Variants in ADCY2 observed in about 807,000 individuals in gnomAD.
ADCY2 encodes the protein adenylate cyclase 2.
Under a neutral mutation model 125.2 loss-of-function variants are expected in ADCY2, and 31 were observed. That is an observed-to-expected ratio of 0.25 (90% CI 0.19 to 0.33). The LOEUF (loss-of-function observed/expected upper bound fraction) is 0.33, where lower values mean the gene tolerates loss of function less well. Among genes scored for constraint, ADCY2 ranks in the 10% least tolerant of loss-of-function variants. The pLI is 1.00. For synonymous variants in ADCY2, 512 were observed against 548.4 expected, an observed-to-expected ratio of 0.93 and a Z score of 0.93; for missense variants, 904 against 1,418.2, an observed-to-expected ratio of 0.64 and a Z score of 5.82.
intron 2 of ADCY2, among the ~76,000 whole-genome samples, chr5:7,458,130 T>A (rs1741770765): frequency 6.6e-6 from 1 of 152,156 alleles, no homozygotes; most frequent in African/African-American, 2.4e-5. Flanking sequence ...TAGACTTGAG[T>A]AATGTATAGT....
chr5:7,441,570 T>C (rs552410229), intron 2 of ADCY2, among the ~76,000 whole-genome samples: 108 of 152,284 alleles, frequency 7.1e-4, no homozygotes, highest in Non-Finnish European at 1.3e-3. Context: ...GGTTGCTGTT[T>C]TCCAAGGCAT....
chr5:7,655,074 C>A (rs891805368), intron 4 of ADCY2, among the ~76,000 whole-genome samples: 8 of 152,096 alleles, frequency 5.3e-5, no homozygotes, highest in Admixed American at 3.3e-4. Flanking sequence ...GGGTGGATGG[C>A]TCCCAAGGCT....
chr5:7,558,011 AAC>A lies in ADCY2; in HGVS notation c.570+37113_570+37114del, dbSNP rs1472087502. Among the ~76,000 whole-genome samples, 3 of 151,658 alleles carry A rather than the reference AAC, an allele frequency of 2.0e-5. No individual in the cohort carries two copies. In the South Asian group the frequency reaches 6.2e-4, roughly 32 times the overall value. Reference sequence around the variant, plus strand: ...TGTATAAGCATTCCTTTTTCTCCACAACCTCACCAGCATCTGTTGTTTTGTTT... The same window carrying A: ...TGTATAAGCATTCCTTTTTCTCCACACTCACCAGCATCTGTTGTTTTGTTT... On this transcript the variant is annotated intron_variant, in intron 3 of 24. Coordinates refer to ENST00000338316, the MANE Select transcript of ADCY2 (RefSeq NM_020546.3).
At chr5:7,654,738 G>A (rs1031645621) in intron 4 of ADCY2, among the ~76,000 whole-genome samples, 1 of 152,210 alleles carries the variant, frequency 6.6e-6, no homozygotes, top group South Asian at 2.1e-4. Flanking sequence ...GGTGGAAAAC[G>A]GGAGCAGTTA....
chr5:7,647,754 A>G (rs561068653), intron 4 of ADCY2, among the ~76,000 whole-genome samples: 2 of 152,306 alleles, frequency 1.3e-5, no homozygotes, highest in South Asian at 4.1e-4. Flanking sequence ...CTTTTTCACC[A>G]TCATTTGGCA....
At chr5:7,668,623 A>G (rs976964569) in intron 4 of ADCY2, among the ~76,000 whole-genome samples, 4 of 152,368 alleles carry the variant, frequency 2.6e-5, no homozygotes, top group East Asian at 1.9e-4. Context: ...TTTAATATAA[A>G]TATGTTTATG....
Position 7,724,615 on chromosome 5 carries a change from G to GT in ADCY2, c.1773+2dup. 2 of 1,569,418 alleles carry GT rather than the reference G, an allele frequency of 1.3e-6. No individual in the cohort carries two copies. The highest frequency in any genetic ancestry group is 1.7e-6 in the Non-Finnish European group (2 of 1,160,864). Reference sequence around the variant, plus strand: ...CTATAACAAAGTACTAGAAAAAGAGGTAAGTTTTTTTCTTCTTCAAAATCA... The same window carrying GT: ...CTATAACAAAGTACTAGAAAAAGAGGTTAAGTTTTTTTCTTCTTCAAAATCA... On this transcript the variant is annotated splice_donor_variant, in intron 13 of 24. Transcript: ENST00000338316. LOFTEE classifies it high-confidence loss of function.
At chr5:7,419,361 C>T (rs759386030) in intron 2 of ADCY2, among the ~76,000 whole-genome samples, 2 of 152,132 alleles carry the variant, frequency 1.3e-5, no homozygotes, top group South Asian at 2.1e-4. Flanking sequence ...CCAGGAAAAC[C>T]GCCAGACATG....
intron 2 of ADCY2, among the ~76,000 whole-genome samples, chr5:7,437,678 C>A (rs190517006): frequency 2.0e-5 from 3 of 152,206 alleles, no homozygotes. Flanking sequence ...AGTATCTTTT[C>A]CTGAACTCTG....
At chr5:7,726,849 G>A (rs554362594) in intron 13 of ADCY2, among the ~76,000 whole-genome samples, 7 of 152,260 alleles carry the variant, frequency 4.6e-5, no homozygotes, top group Non-Finnish European at 7.4e-5. Context: ...TCACAGGCGC[G>A]ATTCACAGTT....
In ADCY2 at chr5:7,399,329, T is replaced by C. The variant is rs181881161; in HGVS notation, c.210+2823T>C. 4.4e-3 allele frequency among the ~76,000 whole-genome samples: 674 copies of C among 152,270 alleles called. 3 individuals carry two copies. The highest frequency in any genetic ancestry group is 0.015 in the African/African-American group (627 of 41,550). On this transcript the variant is annotated intron_variant, in intron 1 of 24. Transcript: ENST00000338316. The stretch of plus-strand genomic sequence containing the variant: ...TTAGCATAATGCAAGTACATAGAGA[T>C]TTTTTTGCTGTATGTAATTGCCTTT...
chr5:7,711,452 T>C (rs1389393846), intron 10 of ADCY2, among the ~76,000 whole-genome samples: 2 of 152,228 alleles, frequency 1.3e-5, no homozygotes, highest in Non-Finnish European at 2.9e-5. Context: ...TTTTAAGGAA[T>C]AAGAATCATA....
At chr5:7,410,509 A>C (rs1412571252) in intron 1 of ADCY2, among the ~76,000 whole-genome samples, 1 of 152,156 alleles carries the variant, frequency 6.6e-6, no homozygotes, top group African/African-American at 2.4e-5. Context: ...ATGGAAAATG[A>C]AGGGATAAAA....
intron 11 of ADCY2, 74 bp from the exon 12 acceptor site, chr5:7,717,083 T>C: frequency 1.1e-6 from 1 of 897,410 alleles, no homozygotes; most frequent in Non-Finnish European, 1.8e-6. Context: ...AAATATTATG[T>C]ATCTCTAAAA....
At chr5:7,609,824 G>T (rs1227693388) in intron 3 of ADCY2, among the ~76,000 whole-genome samples, 1 of 152,194 alleles carries the variant, frequency 6.6e-6, no homozygotes, top group Non-Finnish European at 1.5e-5. Context: ...TAGCAGGAAG[G>T]CATTAAGAGA....
At chr5:7,679,255 C>T (rs984853745) in intron 4 of ADCY2, among the ~76,000 whole-genome samples, 2 of 152,142 alleles carry the variant, frequency 1.3e-5, no homozygotes, top group Non-Finnish European at 1.5e-5. Flanking sequence ...GTGATGGAAC[C>T]AGCCATCCAG....
rs1270650228 is a variant in ADCY2, at chr5:7,637,892, C to T, written c.720+11576C>T. 2.6e-5 allele frequency among the ~76,000 whole-genome samples: 4 copies of T among 152,304 alleles called. No homozygotes were observed. The East Asian group carries it at 7.7e-4, about 29-fold the overall frequency. On this transcript the variant is annotated intron_variant, in intron 4 of 24. Coordinates refer to ENST00000338316, the MANE Select transcript of ADCY2 (RefSeq NM_020546.3). ...GTTTCAAGGTTGGGCAGTTTAACTA[C>T]AAGCACAATCCTCATTATAAATATG... is the stretch of plus-strand genomic sequence containing the variant.
chr5:7,593,133 C>T (rs1012492891), intron 3 of ADCY2, among the ~76,000 whole-genome samples: 3 of 152,014 alleles, frequency 2.0e-5, no homozygotes, highest in East Asian at 1.9e-4. Flanking sequence ...GGGGGATGAG[C>T]GCAAATCGAG....
At chr5:7,729,871 A>C (rs779161279) in intron 14 of ADCY2, among the ~76,000 whole-genome samples, 1 of 149,600 alleles carries the variant, frequency 6.7e-6, no homozygotes, top group East Asian at 1.9e-4. Context: ...ATATATTTAC[A>C]TGTTTTTAAT....
Sources: gnomAD v4.1 joint callset for allele counts (sites outside exome capture counted in the v4.1 genomes callset) on GRCh38, gnomAD v4.1.1 for gene constraint, MANE v1.5 for transcripts, NCBI Gene and HGNC (gene_info 2026-07-23, HGNC 2026-07-21) for gene names.